SPAG16: variants seen among roughly 807,000 people sequenced by gnomAD.
The protein encoded by SPAG16 is sperm-associated antigen 16 protein.
In SPAG16, 86 loss-of-function variants were observed where a neutral mutation model predicts 80.4. The ratio of observed to expected loss-of-function variants is 1.07; its 90% CI spans 0.90 to 1.28. The LOEUF is 1.28. Ranked by LOEUF, SPAG16 falls within the 50% of genes most tolerant of loss-of-function variation. The pLI is 0.00. For missense variants in SPAG16, 870 were observed against 765.3 expected (o/e 1.14, Z -1.61); for synonymous variants, 294 against 265.9 (o/e 1.11, Z -1.03).
chr2:213,616,222 G>A (rs1331680222), intron 10 of SPAG16, among the ~76,000 whole-genome samples: 1 of 152,190 alleles, frequency 6.6e-6, no homozygotes, highest in Non-Finnish European at 1.5e-5. Flanking sequence ...AATGGAAGAT[G>A]TGAACTCACT....
chr2:213,716,680 A>G (rs992573634), intron 10 of SPAG16, among the ~76,000 whole-genome samples: 21 of 152,150 alleles, frequency 1.4e-4, no homozygotes, highest in African/African-American at 4.3e-4. Context: ...ACTACCTTCA[A>G]GTTTAGCCGT....
chr2:213,985,666 G>A (rs1401626100), intron 12 of SPAG16, among the ~76,000 whole-genome samples: 1 of 152,008 alleles, frequency 6.6e-6, no homozygotes, highest in Admixed American at 6.6e-5. Context: ...AAAACTTCTG[G>A]CTGAATGCAA....
At chr2:214,363,236 A>G (rs1480552613) in intron 15 of SPAG16, among the ~76,000 whole-genome samples, 4 of 151,882 alleles carry the variant, frequency 2.6e-5, no homozygotes, top group Non-Finnish European at 5.9e-5. Context: ...TACTTCTGCA[A>G]TTCTCATTCA....
intron 7 of SPAG16, among the ~76,000 whole-genome samples, chr2:213,356,583 C>T (rs4393936): frequency 7.9e-4 from 121 of 152,264 alleles, no homozygotes; most frequent in Non-Finnish European, 1.3e-3. Context: ...TCTATGGGAT[C>T]GGTGGGGATA....
At chr2:214,037,504 T>A (rs999851505) in intron 13 of SPAG16, among the ~76,000 whole-genome samples, 2 of 152,116 alleles carry the variant, frequency 1.3e-5, no homozygotes, top group Non-Finnish European at 2.9e-5. Flanking sequence ...CACTATTACT[T>A]GAGTGTAAAG....
intron 10 of SPAG16, among the ~76,000 whole-genome samples, chr2:213,654,797 G>T (rs916828898): frequency 1.3e-5 from 2 of 151,842 alleles, no homozygotes. Flanking sequence ...ACTAGAAATG[G>T]CACCACTATC....
chr2:213,873,715 A>G (rs180949635), intron 11 of SPAG16, among the ~76,000 whole-genome samples: 85 of 152,020 alleles, frequency 5.6e-4, no homozygotes, highest in African/African-American at 1.8e-3. Context: ...ATATTTTCAG[A>G]TTTCCCTTAT....
At chr2:213,859,993 T>TTGATGATGATGATGA (rs112613257) in intron 10 of SPAG16, among the ~76,000 whole-genome samples, 4,443 of 150,594 alleles carry the variant, frequency 0.03, 86 homozygotes, top group South Asian at 0.072. Flanking sequence ...TTACCATTAG[T>TTGATGATGATGATGA]TGATGATGAT....
At chr2:213,460,083 G>T (rs1433657311) in intron 9 of SPAG16, among the ~76,000 whole-genome samples, 2 of 152,150 alleles carry the variant, frequency 1.3e-5, no homozygotes, top group East Asian at 1.9e-4. Flanking sequence ...TGGTCTTCCT[G>T]TTTCTTCATG....
intron 7 of SPAG16, among the ~76,000 whole-genome samples, chr2:213,354,963 C>T (rs1042576798): frequency 2.0e-5 from 3 of 151,998 alleles, no homozygotes; most frequent in Non-Finnish European, 4.4e-5. Flanking sequence ...AATGGTATTG[C>T]CTAGGTTCTG....
intron 6 of SPAG16, among the ~76,000 whole-genome samples, chr2:213,345,796 GT>G (rs2064945399): frequency 6.6e-6 from 1 of 152,222 alleles, no homozygotes; most frequent in Non-Finnish European, 1.5e-5. Context: ...TTGTAGTGTA[GT>G]TTGAAGTCAG....
At chr2:213,804,611 A>G (rs1348113360) in intron 10 of SPAG16, among the ~76,000 whole-genome samples, 1 of 152,178 alleles carries the variant, frequency 6.6e-6, no homozygotes, top group African/African-American at 2.4e-5. Context: ...TGAACCCTGG[A>G]GGCGGAGCTT....
At chr2:214,208,747 A>G (rs1244826939) in intron 15 of SPAG16, among the ~76,000 whole-genome samples, 7 of 152,162 alleles carry the variant, frequency 4.6e-5, no homozygotes, top group Non-Finnish European at 1.0e-4. Context: ...TAGGGTTCCA[A>G]TAATGGAACA....
At chr2:213,720,227 C>A (rs1169362927) in intron 10 of SPAG16, among the ~76,000 whole-genome samples, 2 of 152,036 alleles carry the variant, frequency 1.3e-5, no homozygotes, top group Non-Finnish European at 2.9e-5. Context: ...AGGAGAAATA[C>A]CTAATGTAGA....
chr2:214,397,687 AAG>A (rs1267934208), intron 15 of SPAG16, among the ~76,000 whole-genome samples: 4 of 152,216 alleles, frequency 2.6e-5, no homozygotes, highest in African/African-American at 7.2e-5. Context: ...TTATTTGCAT[AAG>A]AGTCTTTTAG....
intron 9 of SPAG16, among the ~76,000 whole-genome samples, chr2:213,454,617 A>G (rs527297654): frequency 1.2e-4 from 18 of 152,294 alleles, no homozygotes; most frequent in African/African-American, 4.3e-4. Context: ...AAGTAAAGAT[A>G]TTTGGTCACC....
At chr2:213,800,312 TTCCCTCCCTCCCTCCC>T (rs71397194) in intron 10 of SPAG16, among the ~76,000 whole-genome samples, 1 of 142,502 alleles carries the variant, frequency 7.0e-6, no homozygotes, top group African/African-American at 2.7e-5. Context: ...CCCTTTCTCC[TTCCCTCCCTCCCTCCC>T]TCCCTCTCTC....
chr2:213,754,301 T>G (rs939695397), intron 10 of SPAG16, among the ~76,000 whole-genome samples: 4 of 152,260 alleles, frequency 2.6e-5, no homozygotes, highest in African/African-American at 7.2e-5. Context: ...TTTCTTAATT[T>G]ACTCTTGTCA....
intron 5 of SPAG16, among the ~76,000 whole-genome samples, chr2:213,332,515 A>G (rs942983400): frequency 6.6e-6 from 1 of 152,162 alleles, no homozygotes; most frequent in East Asian, 1.9e-4. Context: ...GGAAGAGGGA[A>G]TCTTTTCCAA....
Sources: gnomAD v4.1 joint callset for allele counts (sites outside exome capture counted in the v4.1 genomes callset) on GRCh38, gnomAD v4.1.1 for gene constraint, MANE v1.5 for transcripts, NCBI Gene and HGNC (gene_info 2026-07-23, HGNC 2026-07-21) for gene names.